SAMD5: variants seen among roughly 807,000 people sequenced by gnomAD.
SAMD5 encodes sterile alpha motif domain-containing protein 5.
SAMD5 carries 13 observed loss-of-function variants against 11.3 expected under a neutral mutation model. The ratio of observed to expected loss-of-function variants is 1.15; its 90% CI spans 0.75 to 1.83. The LOEUF is 1.83. Among genes scored for constraint, SAMD5 ranks in the 40% most tolerant of loss-of-function variants. The probability of loss-of-function intolerance (pLI) is 0.00; values close to 1 mark genes in which losing one functional copy is unlikely to be tolerated. For synonymous variants in SAMD5, 129 were observed against 111.3 expected (o/e 1.16, Z -1.00); for missense variants, 255 against 239.1 (o/e 1.07, Z -0.44).
At chr6:147,760,815 C>G in the SAMD5 span, among the ~76,000 whole-genome samples, 5 of 152,266 alleles carry the variant, frequency 3.3e-5, no homozygotes, top group East Asian at 9.7e-4. Context: ...TTCATGATTT[C>G]TAGTCTTCAT....
intron 1 of SAMD5, among the ~76,000 whole-genome samples, chr6:147,642,985 T>G (rs1281999889): frequency 6.6e-6 from 1 of 152,198 alleles, no homozygotes; most frequent in African/African-American, 2.4e-5. Flanking sequence ...CGAAAATAAC[T>G]GTTACTTCCC....
chr6:147,748,344 T>C, the SAMD5 span, among the ~76,000 whole-genome samples: 2 of 152,212 alleles, frequency 1.3e-5, no homozygotes, highest in African/African-American at 4.8e-5. Context: ...ACCAGTTATC[T>C]GACCTTGGGC....
the SAMD5 span, among the ~76,000 whole-genome samples, chr6:147,896,705 A>C: frequency 7.5e-3 from 1,131 of 151,314 alleles, 17 homozygotes; most frequent in African/African-American, 0.026. Context: ...TTTTTTTAAA[A>C]AAATTCACTG....
the SAMD5 span, among the ~76,000 whole-genome samples, chr6:147,933,228 A>G: frequency 6.6e-6 from 1 of 152,224 alleles, no homozygotes; most frequent in Non-Finnish European, 1.5e-5. Flanking sequence ...CTGAGCATAA[A>G]GTCATGCAAT....
At chr6:147,931,314 A>G in the SAMD5 span, among the ~76,000 whole-genome samples, 35,694 of 152,100 alleles carry the variant, frequency 0.23, 4,861 homozygotes, top group African/African-American at 0.36. Context: ...TCATTCTCTT[A>G]TTTCTCAAAT....
intron 1 of SAMD5, among the ~76,000 whole-genome samples, chr6:147,602,264 A>G (rs1201749557): frequency 6.6e-6 from 1 of 152,236 alleles, no homozygotes; most frequent in African/African-American, 2.4e-5. Context: ...ATTCTAAACC[A>G]AACAACTGGA....
the SAMD5 span, among the ~76,000 whole-genome samples, chr6:147,916,637 T>C: frequency 6.6e-6 from 1 of 152,026 alleles, no homozygotes; most frequent in African/African-American, 2.4e-5. Flanking sequence ...GCAGGTGCCA[T>C]GCTGGTGTGC....
downstream of SAMD5, among the ~76,000 whole-genome samples, chr6:147,571,402 G>T (rs1009009273): frequency 6.6e-6 from 1 of 151,338 alleles, no homozygotes; most frequent in Non-Finnish European, 1.5e-5. Context: ...CAGGCCATTC[G>T]CTGTCCCACT....
At chr6:147,802,295 A>G in the SAMD5 span, among the ~76,000 whole-genome samples, 1 of 152,200 alleles carries the variant, frequency 6.6e-6, no homozygotes, top group African/African-American at 2.4e-5. Flanking sequence ...AATGGCCAGT[A>G]ATAGCACAGG....
chr6:147,884,733 G>A, the SAMD5 span, among the ~76,000 whole-genome samples: 3 of 152,124 alleles, frequency 2.0e-5, no homozygotes, highest in Admixed American at 1.3e-4. Flanking sequence ...TATATTAGAT[G>A]TGCTAATTAT....
chr6:147,535,748 A>C (rs1191429742), intron 1 of SAMD5, among the ~76,000 whole-genome samples: 1 of 152,196 alleles, frequency 6.6e-6, no homozygotes, highest in African/African-American at 2.4e-5. Flanking sequence ...TGTATCCTTA[A>C]ATATCTACGA....
chr6:147,569,328 T>A lies in SAMD5; in HGVS notation c.*4872T>A. 1 of 557,578 alleles carries A rather than the reference T, an allele frequency of 1.8e-6. No homozygotes were observed. Among genetic ancestry groups the A allele is most frequent in the South Asian group, 8.0e-5 (1 of 12,530 alleles). The allele number at this position is 557,578 out of a possible 1,614,324, so 34.5% of individuals were successfully genotyped here. A position where few individuals can be genotyped will look rare whatever the true frequency, so the allele number is the denominator to read the frequency against. On this transcript the variant is annotated 3_prime_UTR_variant, in exon 2 of 2. Transcript: ENST00000367474. ...GTTTAAACTCCTGGAAATTAAGTGT[T>A]ATTTTTTATTACTGCAGTTGAGAGA...
chr6:147,836,674 T>C, the SAMD5 span, among the ~76,000 whole-genome samples: 2 of 152,164 alleles, frequency 1.3e-5, no homozygotes, highest in African/African-American at 4.8e-5. Context: ...CATAGTAAAG[T>C]TGAAAAAGCA....
the SAMD5 span, among the ~76,000 whole-genome samples, chr6:147,750,663 G>A: frequency 3.9e-5 from 6 of 152,166 alleles, no homozygotes; most frequent in African/African-American, 9.7e-5. Flanking sequence ...AGTGGCTAAC[G>A]CCTGTAATCC....
chr6:147,753,328 C>G, the SAMD5 span, among the ~76,000 whole-genome samples: 1 of 152,162 alleles, frequency 6.6e-6, no homozygotes, highest in Admixed American at 6.5e-5. Flanking sequence ...ACCACACACA[C>G]AGACGCCCCT....
chr6:147,694,992 G>GC, intron 1 of SAMD5, among the ~76,000 whole-genome samples: 1 of 152,248 alleles, frequency 6.6e-6, no homozygotes, highest in East Asian at 1.9e-4. Context: ...GTAAATAACA[G>GC]CCCATAATAT....
intron 1 of SAMD5, among the ~76,000 whole-genome samples, chr6:147,616,181 A>AT (rs1239004673): frequency 5.7e-5 from 7 of 121,966 alleles, no homozygotes; most frequent in Non-Finnish European, 1.1e-4. Context: ...ATATTTATTC[A>AT]TATATATTTC....
chr6:147,694,856 T>C (rs1341083468), intron 1 of SAMD5, among the ~76,000 whole-genome samples: 1 of 152,178 alleles, frequency 6.6e-6, no homozygotes, highest in Non-Finnish European at 1.5e-5. Flanking sequence ...TAAGACTTTT[T>C]TTCTGCAGTG....
chr6:147,814,678 G>A, the SAMD5 span, among the ~76,000 whole-genome samples: 1 of 152,010 alleles, frequency 6.6e-6, no homozygotes, highest in Admixed American at 6.6e-5. Flanking sequence ...AGGCACTAGG[G>A]GCCCACTTCT....
Sources: allele counts gnomAD v4.1 joint callset (sites outside exome capture counted in the v4.1 genomes callset), GRCh38; gene constraint gnomAD v4.1.1; transcripts MANE v1.5; gene names NCBI Gene and HGNC (gene_info 2026-07-23, HGNC 2026-07-21).